PIP5K1B: variants seen among roughly 807,000 people sequenced by gnomAD.
PIP5K1B encodes phosphatidylinositol-4-phosphate 5-kinase type 1 beta, also known as phosphatidylinositol 4-phosphate 5-kinase type-1 beta.
In PIP5K1B, 42 loss-of-function variants were observed where a neutral mutation model predicts 67.0. That is an observed-to-expected ratio of 0.63 (90% CI 0.49 to 0.81). The LOEUF is 0.81. PIP5K1B is among the 30% of genes least tolerant of loss of function. PIP5K1B has a pLI of 0.00. For missense variants in PIP5K1B, 459 were observed against 646.3 expected (o/e 0.71, Z 3.14); for synonymous variants, 214 against 231.4 (o/e 0.92, Z 0.68).
intron 14 of PIP5K1B, among the ~76,000 whole-genome samples, chr9:68,955,606 C>G (rs1047556615): frequency 2.6e-4 from 39 of 152,214 alleles, no homozygotes; most frequent in Non-Finnish European, 1.5e-5. Context: ...GAATACACAG[C>G]TCTCAGATGT....
intron 1 of PIP5K1B, among the ~76,000 whole-genome samples, chr9:68,725,503 C>T (rs1219081903): frequency 6.6e-6 from 1 of 152,146 alleles, no homozygotes; most frequent in Non-Finnish European, 1.5e-5. Flanking sequence ...AGAGATCAGG[C>T]TCAGGGTAGC....
intron 4 of PIP5K1B, among the ~76,000 whole-genome samples, chr9:68,841,464 G>A (rs1414944): frequency 0.39 from 59,709 of 152,044 alleles, 12,182 homozygotes; most frequent in African/African-American, 0.5. Context: ...AAATCTCTAC[G>A]TGGGGTATAG....
chr9:68,992,765 G>C (rs750389199), intron 15 of PIP5K1B, among the ~76,000 whole-genome samples: 6 of 147,326 alleles, frequency 4.1e-5, no homozygotes, highest in Non-Finnish European at 8.9e-5. Flanking sequence ...ACTTGCACCT[G>C]GGAGGCGGAG....
intron 15 of PIP5K1B, among the ~76,000 whole-genome samples, chr9:68,996,347 C>T (rs960424390): frequency 5.9e-5 from 9 of 152,192 alleles, no homozygotes; most frequent in African/African-American, 2.2e-4. Flanking sequence ...AGTTATTCTG[C>T]ATGGCTTTTT....
chr9:68,768,309 C>T (rs1830529311), intron 2 of PIP5K1B, among the ~76,000 whole-genome samples: 1 of 152,194 alleles, frequency 6.6e-6, no homozygotes, highest in Non-Finnish European at 1.5e-5. Context: ...TTTCCACCAT[C>T]ATTCATATGT....
intron 5 of PIP5K1B, among the ~76,000 whole-genome samples, chr9:68,873,961 AG>A (rs1220619399): frequency 4.6e-5 from 7 of 152,246 alleles, no homozygotes; most frequent in Non-Finnish European, 1.0e-4. Flanking sequence ...ACCTACTAGG[AG>A]AGAAAACAAA....
intron 2 of PIP5K1B, among the ~76,000 whole-genome samples, chr9:68,779,331 T>C (rs1342057171): frequency 6.6e-6 from 1 of 152,234 alleles, no homozygotes; most frequent in East Asian, 1.9e-4. Flanking sequence ...TACCATCCTC[T>C]GTTTTGGCTT....
At position 68,782,725 on chromosome 9, in the gene PIP5K1B, C is replaced by T. The variant is rs146689731; in HGVS notation, c.-85-35736C>T. The T allele has an allele frequency of 1.5e-3, 248 of 167,208 alleles. 1 individual carries two copies. The highest frequency in any genetic ancestry group is 2.2e-4 in the Non-Finnish European group (15 of 68,108). The allele number at this position is 167,208 out of a possible 1,614,324, so 10.4% of individuals were successfully genotyped here. A position where few individuals can be genotyped will look rare whatever the true frequency, so the allele number is the denominator to read the frequency against. ...AATAGTGTTCATGTGCTCCCATTCT[C>T]GACCCTGTTGTTGAAATTCAAACTT... On this transcript the variant is annotated intron_variant, in intron 2 of 15. Coordinates refer to ENST00000265382, the MANE Select transcript of PIP5K1B (RefSeq NM_003558.4).
In PIP5K1B at chr9:68,720,996, C is replaced by T. The variant is rs1252414239; in HGVS notation, c.-243+15234C>T. 7.2e-5 allele frequency among the ~76,000 whole-genome samples: 11 copies of T among 152,304 alleles called. No homozygotes were observed. The East Asian group carries it at 2.1e-3, about 29-fold the overall frequency. ...AACTCTTACTTTATACCAGGCATAA[C>T]ACGTATGAAGCATGACATCATGAAG... is the stretch of plus-strand genomic sequence containing the variant. On this transcript the variant is annotated intron_variant, in intron 1 of 15. Coordinates refer to ENST00000265382, the MANE Select transcript of PIP5K1B (RefSeq NM_003558.4).
Position 68,916,386 on chromosome 9 carries a change from AC to A in PIP5K1B, c.772-1159del, listed in dbSNP as rs1826093095. ...CCTGAAGCCATCTCAACAGACTCGG[AC>A]CCAGACCTTTGTCTCCTGTCATTTT... On this transcript the variant is annotated intron_variant, in intron 8 of 15. Transcript: ENST00000265382. Among the ~76,000 whole-genome samples the A allele has an allele frequency of 2.0e-5, 3 of 152,250 alleles. No individual in the cohort carries two copies. The South Asian group carries it at 6.2e-4, about 32-fold the overall frequency.
chr9:68,977,686 G>A (rs916644729), intron 14 of PIP5K1B, among the ~76,000 whole-genome samples: 25 of 138,612 alleles, frequency 1.8e-4, no homozygotes, highest in South Asian at 4.5e-4. Context: ...ACGGAGTCTC[G>A]CTCTGTTGTC....
intron 8 of PIP5K1B, among the ~76,000 whole-genome samples, chr9:68,904,942 G>A (rs965315339): frequency 6.6e-6 from 1 of 151,956 alleles, no homozygotes; most frequent in African/African-American, 2.4e-5. Context: ...GTTGTTATGT[G>A]TCTAGCAAGT....
intron 14 of PIP5K1B, among the ~76,000 whole-genome samples, chr9:68,958,618 C>CT (rs917380396): frequency 3.3e-5 from 5 of 152,106 alleles, no homozygotes; most frequent in Admixed American, 2.6e-4. Context: ...TAATTCTTTG[C>CT]TTTTTTTCTC....
chr9:68,878,098 G>A (rs1249780479), intron 6 of PIP5K1B, among the ~76,000 whole-genome samples: 1 of 150,796 alleles, frequency 6.6e-6, no homozygotes, highest in Admixed American at 6.6e-5. Flanking sequence ...AATTACTGAG[G>A]GTTGCCATCA....
At position 68,934,876 on chromosome 9, in the gene PIP5K1B, T is replaced by C. The variant is rs746587043; in HGVS notation, c.1202-14T>C. On this transcript the variant is annotated splice_polypyrimidine_tract_variant and intron_variant, in intron 12 of 15. Transcript: ENST00000265382. ...CAGTAAATATCTGTATTTGTCCTTT[T>C]CCTTTCTGTCTAGCTTTGAAGGCTT... 4 of 1,584,938 alleles carry C rather than the reference T, an allele frequency of 2.5e-6. No individual in the cohort carries two copies. The highest frequency in any genetic ancestry group is 2.3e-5 in the East Asian group (1 of 44,156).
chr9:68,743,357 C>G (rs913813664), intron 2 of PIP5K1B, among the ~76,000 whole-genome samples: 1 of 152,076 alleles, frequency 6.6e-6, no homozygotes, highest in East Asian at 1.9e-4. Flanking sequence ...TTCCATGCCA[C>G]CATGCCTGGC....
intron 14 of PIP5K1B, among the ~76,000 whole-genome samples, chr9:68,983,648 G>A (rs543767354): frequency 6.6e-6 from 1 of 152,290 alleles, no homozygotes; most frequent in East Asian, 1.9e-4. Context: ...ATAACTATTT[G>A]CAGCTGGGAG....
chr9:68,839,525 A>T (rs1347351036), intron 4 of PIP5K1B, among the ~76,000 whole-genome samples: 1 of 152,108 alleles, frequency 6.6e-6, no homozygotes, highest in Admixed American at 6.5e-5. Context: ...TGGATTAGGA[A>T]CTCAAATGAC....
intron 6 of PIP5K1B, among the ~76,000 whole-genome samples, chr9:68,880,280 T>A (rs190256373): frequency 6.6e-6 from 1 of 152,240 alleles, no homozygotes; most frequent in Non-Finnish European, 1.5e-5. Flanking sequence ...AGGCCAACTG[T>A]GGTGGCTCAC....
Sources: gnomAD v4.1 joint callset for allele counts (sites outside exome capture counted in the v4.1 genomes callset) on GRCh38, gnomAD v4.1.1 for gene constraint, MANE v1.5 for transcripts, NCBI Gene and HGNC (gene_info 2026-07-23, HGNC 2026-07-21) for gene names.